TRAPPC9: variants seen among roughly 807,000 people sequenced by gnomAD.
TRAPPC9 encodes trafficking protein particle complex subunit 9, also known as IKK2 binding protein.
TRAPPC9 carries 83 observed loss-of-function variants against 124.0 expected under a neutral mutation model. The ratio of observed to expected loss-of-function variants is 0.67; its 90% CI spans 0.56 to 0.80. The LOEUF is 0.80. Ranked by LOEUF, TRAPPC9 falls within the 30% of genes least tolerant of loss-of-function variation. The pLI is 0.00. For synonymous variants in TRAPPC9, 638 were observed against 617.5 expected (o/e 1.03, Z -0.49); for missense variants, 1,302 against 1,508.3 (o/e 0.86, Z 2.27).
chr8:140,047,759 A>G (rs564968432), intron 17 of TRAPPC9, among the ~76,000 whole-genome samples: 1 of 152,184 alleles, frequency 6.6e-6, no homozygotes, highest in South Asian at 2.1e-4. Flanking sequence ...TACAGCAGAC[A>G]TGGGACATGA....
chr8:139,948,242 T>C, intron 19 of TRAPPC9, among the ~76,000 whole-genome samples: 1 of 140,976 alleles, frequency 7.1e-6, no homozygotes, highest in African/African-American at 2.8e-5. Context: ...GGAAGATGGT[T>C]CATAAAACAC....
chr8:139,831,712 A>T (rs1365886528), intron 21 of TRAPPC9, among the ~76,000 whole-genome samples: 1 of 152,122 alleles, frequency 6.6e-6, no homozygotes, highest in Non-Finnish European at 1.5e-5. Context: ...GTCAGGTATC[A>T]TGTGAGAGGA....
At chr8:140,122,927 G>T (rs1177464271) in intron 17 of TRAPPC9, among the ~76,000 whole-genome samples, 2 of 152,238 alleles carry the variant, frequency 1.3e-5, no homozygotes, top group Non-Finnish European at 2.9e-5. Context: ...GTTATTCACA[G>T]TTTGCATAGA....
At chr8:140,456,170 G>A (rs2071656256) in intron 1 of TRAPPC9, among the ~76,000 whole-genome samples, 1 of 152,172 alleles carries the variant, frequency 6.6e-6, no homozygotes, top group Non-Finnish European at 1.5e-5. Context: ...AGTACTTTGG[G>A]AGGCCAAGGC....
intron 21 of TRAPPC9, among the ~76,000 whole-genome samples, chr8:139,863,718 G>C (rs932150474): frequency 3.3e-5 from 5 of 152,218 alleles, no homozygotes; most frequent in African/African-American, 1.2e-4. Context: ...TGCTCAACAC[G>C]TCAACGTGGG....
intron 20 of TRAPPC9, among the ~76,000 whole-genome samples, chr8:139,898,121 T>C (rs1426135038): frequency 6.6e-6 from 1 of 152,176 alleles, no homozygotes. Context: ...CGTACGCAAG[T>C]GGGGCTCCTC....
chr8:139,950,427 G>A (rs1038978922), intron 19 of TRAPPC9, among the ~76,000 whole-genome samples: 3 of 152,212 alleles, frequency 2.0e-5, no homozygotes, highest in Non-Finnish European at 4.4e-5. Flanking sequence ...GGTGGTTGGG[G>A]AACTTGTCCA....
At chr8:140,059,202 T>A (rs902994085) in intron 17 of TRAPPC9, among the ~76,000 whole-genome samples, 4 of 152,166 alleles carry the variant, frequency 2.6e-5, no homozygotes, top group Admixed American at 2.6e-4. Context: ...AGAATTCATA[T>A]AAATGGAATC....
chr8:140,441,100 T>TC (rs111468066), intron 2 of TRAPPC9, among the ~76,000 whole-genome samples: 4,230 of 146,020 alleles, frequency 0.029, 199 homozygotes, highest in African/African-American at 0.094. Flanking sequence ...CACCTCAGCC[T>TC]CCCCAGTAAC....
At chr8:139,747,288 A>G (rs1396259855) in intron 21 of TRAPPC9, among the ~76,000 whole-genome samples, 1 of 152,106 alleles carries the variant, frequency 6.6e-6, no homozygotes, top group African/African-American at 2.4e-5. Flanking sequence ...CAATCAGATC[A>G]TACACGTGGG....
chr8:139,845,238 A>G (rs898807), intron 21 of TRAPPC9, among the ~76,000 whole-genome samples: 86,577 of 152,068 alleles, frequency 0.57, 27,842 homozygotes, highest in African/African-American at 0.86. Flanking sequence ...GCCACCAAGC[A>G]TTGTAGGGTA....
intron 19 of TRAPPC9, among the ~76,000 whole-genome samples, chr8:139,959,123 A>AGCCCTGCATT (rs1587345106): frequency 2.6e-5 from 4 of 152,118 alleles, no homozygotes; most frequent in African/African-American, 4.8e-5. Flanking sequence ...CACACAGGGG[A>AGCCCTGCATT]CTGGCTCCCA....
At chr8:140,112,999 C>A (rs777767479) in intron 17 of TRAPPC9, among the ~76,000 whole-genome samples, 33 of 152,048 alleles carry the variant, frequency 2.2e-4, no homozygotes, top group Non-Finnish European at 3.5e-4. Context: ...GCCACTGCAG[C>A]CAGCCTAAAT....
intron 18 of TRAPPC9, among the ~76,000 whole-genome samples, chr8:139,996,961 G>A (rs1838039163): frequency 6.6e-6 from 1 of 152,132 alleles, no homozygotes; most frequent in South Asian, 2.1e-4. Flanking sequence ...TGGCCAGGCT[G>A]GTCTCGAATG....
intron 21 of TRAPPC9, among the ~76,000 whole-genome samples, chr8:139,785,741 A>G (rs950628052): frequency 6.6e-6 from 1 of 151,030 alleles, no homozygotes. Flanking sequence ...AAAAAAGAAG[A>G]AAAAAAAAGG....
Position 140,442,595 on chromosome 8 carries a change from C to CA in TRAPPC9, c.585-3399dup, listed in dbSNP as rs34248211. ...CCTGGTCGACAGAGCGAGCCTCTGT[C>CA]AAAAAAAAAAAAAAAAGAAGAAAAT... On this transcript the variant is annotated intron_variant, in intron 2 of 22. Coordinates refer to ENST00000438773, the MANE Select transcript of TRAPPC9 (RefSeq NM_001160372.4). Among the ~76,000 whole-genome samples, 1,123 of 118,896 alleles carry CA rather than the reference C, an allele frequency of 9.4e-3. 8 individuals are homozygous for CA. The highest frequency in any genetic ancestry group is 0.058 in the Middle Eastern group (15 of 260). 78.0% of individuals were successfully genotyped at this position (118,896 alleles called of 152,430 possible).
chr8:140,263,209 A>C (rs1326686378), intron 15 of TRAPPC9, among the ~76,000 whole-genome samples: 1 of 152,138 alleles, frequency 6.6e-6, no homozygotes, highest in East Asian at 1.9e-4. Context: ...AACCACTCCA[A>C]AAAAGAGCAG....
At chr8:140,336,834 G>T (rs1014440079) in intron 9 of TRAPPC9, among the ~76,000 whole-genome samples, 1 of 152,186 alleles carries the variant, frequency 6.6e-6, no homozygotes, top group African/African-American at 2.4e-5. Context: ...CGTGACGATG[G>T]AAGGAAGAAG....
At chr8:139,807,927 G>C (rs1824180593) in intron 21 of TRAPPC9, among the ~76,000 whole-genome samples, 1 of 152,168 alleles carries the variant, frequency 6.6e-6, no homozygotes, top group African/African-American at 2.4e-5. Flanking sequence ...CTCATAACAT[G>C]AGAACTTCTC....
Sources: gnomAD v4.1 joint callset for allele counts (sites outside exome capture counted in the v4.1 genomes callset) on GRCh38, gnomAD v4.1.1 for gene constraint, MANE v1.5 for transcripts, NCBI Gene and HGNC (gene_info 2026-07-23, HGNC 2026-07-21) for gene names.